Variants in SLCO1A2 observed in about 807,000 individuals in gnomAD.
The protein encoded by SLCO1A2 is solute carrier organic anion transporter family member 1A2.
In SLCO1A2, 67 loss-of-function variants were observed where a neutral mutation model predicts 69.0. The observed-to-expected ratio is 0.97, with a 90% CI of 0.80 to 1.19. SLCO1A2 has a LOEUF of 1.19. SLCO1A2 is among the 50% of genes most tolerant of loss of function. SLCO1A2 has a pLI of 0.00. For missense variants in SLCO1A2, 787 were observed against 793.7 expected (o/e 0.99, Z 0.10); for synonymous variants, 260 against 265.9 (o/e 0.98, Z 0.22).
chr12:21,405,407 G>GA (rs1263777614), intron 1 of SLCO1A2, among the ~76,000 whole-genome samples: 23 of 151,182 alleles, frequency 1.5e-4, no homozygotes, highest in East Asian at 5.8e-4. Context: ...CACAGAATTT[G>GA]AAAAAAAACT....
intron 1 of SLCO1A2, among the ~76,000 whole-genome samples, chr12:21,374,716 T>A (rs528203062): frequency 3.9e-5 from 6 of 152,316 alleles, no homozygotes; most frequent in Admixed American, 6.5e-5. Flanking sequence ...ATCAGTAGTA[T>A]TTCCTAGTAT....
upstream of SLCO1A2, among the ~76,000 whole-genome samples, chr12:21,398,199 C>G (rs1230487827): frequency 6.6e-6 from 1 of 150,814 alleles, no homozygotes; most frequent in Non-Finnish European, 1.5e-5. Context: ...GATGTCACCA[C>G]CGATCCCACA....
At chr12:21,412,826 A>T (rs1941929428) in intron 1 of SLCO1A2, among the ~76,000 whole-genome samples, 1 of 152,158 alleles carries the variant, frequency 6.6e-6, no homozygotes, top group African/African-American at 2.4e-5. Context: ...AGGAATAAGG[A>T]TATAGATAAA....
chr12:21,353,530 T>G (rs531444997), intron 2 of SLCO1A2, among the ~76,000 whole-genome samples: 1 of 152,200 alleles, frequency 6.6e-6, no homozygotes, highest in African/African-American at 2.4e-5. Flanking sequence ...CTCAGTGGCT[T>G]TGGTAGGAGA....
At chr12:21,371,043 A>T (rs1465530228) in intron 2 of SLCO1A2, among the ~76,000 whole-genome samples, 2 of 152,228 alleles carry the variant, frequency 1.3e-5, no homozygotes, top group Non-Finnish European at 2.9e-5. Context: ...TGCAGAGAGT[A>T]GCAGCTTACG....
At chr12:21,290,466 A>G (rs1946669498) in intron 12 of SLCO1A2, among the ~76,000 whole-genome samples, 1 of 152,194 alleles carries the variant, frequency 6.6e-6, no homozygotes, top group South Asian at 2.1e-4. Flanking sequence ...GGGAACAGGC[A>G]AATAAATCTG....
chr12:21,391,422 A>G (rs1941145350), intron 1 of SLCO1A2, among the ~76,000 whole-genome samples: 1 of 152,176 alleles, frequency 6.6e-6, no homozygotes, highest in South Asian at 2.1e-4. Flanking sequence ...CTGAAAAACT[A>G]GTAACAGCAT....
chr12:21,278,989 A>T (rs951451698), intron 12 of SLCO1A2, among the ~76,000 whole-genome samples: 9 of 152,088 alleles, frequency 5.9e-5, no homozygotes, highest in African/African-American at 2.2e-4. Flanking sequence ...TATTAGATGA[A>T]TTTTACAAAG....
chr12:21,352,251 A>G (rs1938019512), intron 2 of SLCO1A2, among the ~76,000 whole-genome samples: 1 of 152,206 alleles, frequency 6.6e-6, no homozygotes, highest in African/African-American at 2.4e-5. Flanking sequence ...CGAAGAGAGG[A>G]AAAACTAGGA....
intron 12 of SLCO1A2, among the ~76,000 whole-genome samples, chr12:21,282,196 T>G (rs2417972): frequency 6.6e-6 from 1 of 151,306 alleles, no homozygotes; most frequent in Non-Finnish European, 1.5e-5. Context: ...AAAATACTAT[T>G]AAACCAAATT....
At chr12:21,292,131 A>C (rs779490381) in intron 12 of SLCO1A2, 33 bp downstream of exon 12, 25 of 1,465,428 alleles carry the variant, frequency 1.7e-5, no homozygotes, top group South Asian at 6.8e-5. Flanking sequence ...AAATGACCCC[A>C]AAAAAATATA....
At chr12:21,405,438 C>A (rs1338381105) in intron 1 of SLCO1A2, among the ~76,000 whole-genome samples, 1 of 151,780 alleles carries the variant, frequency 6.6e-6, no homozygotes. Context: ...TCATATGGAA[C>A]CAAAAAGACA....
intron 1 of SLCO1A2, among the ~76,000 whole-genome samples, chr12:21,391,398 A>T (rs754801372): frequency 3.3e-5 from 5 of 152,078 alleles, no homozygotes; most frequent in Admixed American, 6.6e-5. Flanking sequence ...TAAATGGCAA[A>T]ATATATATAT....
intron 1 of SLCO1A2, among the ~76,000 whole-genome samples, chr12:21,414,401 A>G (rs1005347765): frequency 1.3e-5 from 2 of 151,810 alleles, no homozygotes; most frequent in Non-Finnish European, 2.9e-5. Context: ...TTTAATTTTC[A>G]TATCATGTTT....
At chr12:21,298,005 A>C (rs1947999933) in intron 8 of SLCO1A2, among the ~76,000 whole-genome samples, 1 of 152,186 alleles carries the variant, frequency 6.6e-6, no homozygotes, top group Non-Finnish European at 1.5e-5. Flanking sequence ...AAGATTTCAC[A>C]CAAATATTTA....
chr12:21,373,441 T>G, intron 2 of SLCO1A2: 1 of 1,588,110 alleles, frequency 6.3e-7, no homozygotes, highest in Non-Finnish European at 8.6e-7. Flanking sequence ...GGTTGGTAAC[T>G]TTAAAATCCT....
At chr12:21,307,424 C>T (rs1443236675) in intron 4 of SLCO1A2, among the ~76,000 whole-genome samples, 2 of 152,068 alleles carry the variant, frequency 1.3e-5, no homozygotes, top group East Asian at 1.9e-4. Flanking sequence ...TCAAAAGAAG[C>T]GAAACCTCCA....
chr12:21,304,426 C>T lies in SLCO1A2; in HGVS notation c.589+1G>A. ...AAGCTAAGGTAGATTTCCATACTTA[C>T]CAATATATAAAGGAGAATTTTCAAA... On this transcript the variant is annotated splice_donor_variant, in intron 6 of 14. Coordinates refer to ENST00000683939, the MANE Select transcript of SLCO1A2 (RefSeq NM_001386879.1). LOFTEE classifies it high-confidence loss of function. The T allele has an allele frequency of 6.2e-7, 1 of 1,602,014 alleles. No homozygotes were observed. The highest frequency in any genetic ancestry group is 8.5e-7 in the Non-Finnish European group (1 of 1,169,878).
intron 2 of SLCO1A2, chr12:21,373,298 A>C (rs751388047): frequency 8.4e-7 from 1 of 1,188,602 alleles, no homozygotes. Context: ...TAGAACTGTA[A>C]GAAATCTCTT....
Sources: gnomAD v4.1 joint callset for allele counts (sites outside exome capture counted in the v4.1 genomes callset) on GRCh38, gnomAD v4.1.1 for gene constraint, MANE v1.5 for transcripts, NCBI Gene and HGNC (gene_info 2026-07-23, HGNC 2026-07-21) for gene names.